Variants in STXBP3 observed in about 807,000 individuals in gnomAD.
STXBP3 encodes syntaxin binding protein 3, also known as syntaxin-binding protein 3.
In STXBP3, 41 loss-of-function variants were observed where a neutral mutation model predicts 85.7. The observed-to-expected ratio is 0.48, with a 90% CI of 0.37 to 0.62. The LOEUF is 0.62. Ranked by LOEUF, STXBP3 falls within the 20% of genes least tolerant of loss-of-function variation. The pLI, the probability that STXBP3 is intolerant of heterozygous loss-of-function variation, is 0.00. For synonymous variants in STXBP3, 229 were observed against 231.7 expected (o/e 0.99, Z 0.10); for missense variants, 563 against 703.1 (o/e 0.80, Z 2.25).
At chr1:108,801,130 ATTTT>A (rs1348227007) in intron 17 of STXBP3, among the ~76,000 whole-genome samples, 1 of 151,800 alleles carries the variant, frequency 6.6e-6, no homozygotes, top group Non-Finnish European at 1.5e-5. Context: ...TTTCCATTTG[ATTTT>A]TTTAAATTTC....
intron 1 of STXBP3, among the ~76,000 whole-genome samples, chr1:108,748,271 C>T (rs1004424): frequency 0.044 from 6,741 of 152,248 alleles, 211 homozygotes; most frequent in Admixed American, 0.07. Flanking sequence ...CAGTGGTTCA[C>T]GCCTGTAATC....
chr1:108,754,028 A>G (rs998927031), intron 3 of STXBP3, among the ~76,000 whole-genome samples: 3 of 140,162 alleles, frequency 2.1e-5, no homozygotes, highest in African/African-American at 8.1e-5. Flanking sequence ...TACACATAAA[A>G]TAATCTTTTT....
rs533077878 is a variant in STXBP3 at position 108,796,227 on chromosome 1, C to T, written c.1111-7C>T. On this transcript the variant is annotated splice_region_variant and splice_polypyrimidine_tract_variant and intron_variant, in intron 13 of 18. Transcript: ENST00000370008. ...TAGATCACTGACAATATTTTATTTT[C>T]ATTAAGGACCTGGCACTTGGAACTG... 1 of 1,596,774 alleles carries T rather than the reference C, an allele frequency of 6.3e-7. No individual in the cohort carries two copies. The highest frequency in any genetic ancestry group is 8.5e-7 in the Non-Finnish European group (1 of 1,175,422).
chr1:108,792,076 A>G (rs1362294126), intron 11 of STXBP3, among the ~76,000 whole-genome samples: 1 of 152,224 alleles, frequency 6.6e-6, no homozygotes, highest in Non-Finnish European at 1.5e-5. Flanking sequence ...GGCAATTATG[A>G]ATAAAGCTAC....
At chr1:108,755,147 T>TC (rs1553195022) in intron 3 of STXBP3, among the ~76,000 whole-genome samples, 1 of 151,732 alleles carries the variant, frequency 6.6e-6, no homozygotes, top group African/African-American at 2.4e-5. Flanking sequence ...TATAAAACCT[T>TC]AAAAAAAATA....
At chr1:108,784,348 C>T (rs1662782956) in intron 11 of STXBP3, among the ~76,000 whole-genome samples, 1 of 152,174 alleles carries the variant, frequency 6.6e-6, no homozygotes, top group Non-Finnish European at 1.5e-5. Context: ...CCTCAGGAAA[C>T]TTAACAATCA....
intron 9 of STXBP3, chr1:108,782,165 A>G (rs1280576463): frequency 8.6e-6 from 3 of 348,772 alleles, no homozygotes; most frequent in Non-Finnish European, 1.5e-5. Context: ...ATAAAGTACA[A>G]TTTTGCTGAA....
intron 6 of STXBP3, among the ~76,000 whole-genome samples, chr1:108,772,402 A>C (rs1284270058): frequency 4.2e-5 from 2 of 48,052 alleles, no homozygotes; most frequent in South Asian, 4.6e-4. Flanking sequence ...ATAAATACAT[A>C]TGATATCTAT....
At chr1:108,756,623 GTTTA>G in intron 3 of STXBP3, 63 bp from the exon 4 acceptor site, 1 of 900,034 alleles carries the variant, frequency 1.1e-6, no homozygotes, top group South Asian at 2.7e-5. Context: ...GTACAGTAAA[GTTTA>G]TTTAAAAATT....
intron 17 of STXBP3, among the ~76,000 whole-genome samples, chr1:108,804,142 G>A (rs1255065549): frequency 1.3e-5 from 2 of 151,214 alleles, no homozygotes; most frequent in East Asian, 2.0e-4. Context: ...TGCCACTTCT[G>A]TAGTCTTGGT....
At chr1:108,774,915 A>T (rs1662554092) in intron 7 of STXBP3, among the ~76,000 whole-genome samples, 1 of 151,974 alleles carries the variant, frequency 6.6e-6, no homozygotes, top group Non-Finnish European at 1.5e-5. Context: ...TTTATCACTC[A>T]CATAAGGGCT....
At position 108,774,017 on chromosome 1, in the gene STXBP3, C is replaced by G. The variant is rs182236247; in HGVS notation, c.593+1198C>G. Among the ~76,000 whole-genome samples, 159 of 152,236 alleles carry G rather than the reference C, an allele frequency of 1.0e-3. 1 individual carries two copies. The highest frequency in any genetic ancestry group is 1.9e-3 in the Non-Finnish European group (126 of 68,020). ...CTCTTGTGATCCCTCCCAGCTCTCC[C>G]GTCCCTTTTCTTCCCTAGAGATGAC... On this transcript the variant is annotated intron_variant, in intron 7 of 18. Transcript: ENST00000370008.
At chr1:108,775,484 C>T (rs1662567631) in intron 7 of STXBP3, among the ~76,000 whole-genome samples, 1 of 152,002 alleles carries the variant, frequency 6.6e-6, no homozygotes, top group South Asian at 2.1e-4. Context: ...CCCTGTTGTG[C>T]TATCAAATAC....
rs144451391 is a variant in STXBP3, at chr1:108,782,148, T to TG, written c.810-274_810-273insG. 1,178 of 312,778 alleles carry TG rather than the reference T, an allele frequency of 3.8e-3. 13 individuals carry two copies. The highest frequency in any genetic ancestry group is 0.024 in the African/African-American group (1,103 of 46,694). The allele number at this position is 312,778 out of a possible 1,614,324, so 19.4% of individuals were successfully genotyped here. ...TAAAGTTAACTGTAGGACGTTGAATTTTTTTTATAAAGTACAATTTTGCTG... is the reference window on the plus strand; with the variant it reads ...TAAAGTTAACTGTAGGACGTTGAATTGTTTTTTATAAAGTACAATTTTGCTG... On this transcript the variant is annotated intron_variant, in intron 9 of 18. Coordinates refer to ENST00000370008, the MANE Select transcript of STXBP3 (RefSeq NM_007269.4).
At chr1:108,795,334 A>G (rs1283643752) in intron 13 of STXBP3, among the ~76,000 whole-genome samples, 1 of 152,092 alleles carries the variant, frequency 6.6e-6, no homozygotes, top group Non-Finnish European at 1.5e-5. Flanking sequence ...TCTAATAGCC[A>G]TGTTAATGCA....
chr1:108,782,887 T>C (rs1662745533), intron 11 of STXBP3, among the ~76,000 whole-genome samples, 181 bp downstream of exon 11: 1 of 152,230 alleles, frequency 6.6e-6, no homozygotes, highest in African/African-American at 2.4e-5. Flanking sequence ...TCTGTCCTGC[T>C]TCATTAAAAT....
intron 13 of STXBP3, 97 bp from the exon 14 acceptor site, chr1:108,796,137 A>T: frequency 7.5e-7 from 1 of 1,328,052 alleles, no homozygotes; most frequent in Non-Finnish European, 1.0e-6. Context: ...TGCTGGGATT[A>T]CAGGCGTGAG....
intron 15 of STXBP3, 39 bp downstream of exon 15, chr1:108,796,765 G>A (rs914452786): frequency 1.3e-6 from 2 of 1,501,986 alleles, no homozygotes; most frequent in African/African-American, 2.8e-5. Flanking sequence ...TTATATGTAT[G>A]TGTATGTATG....
At chr1:108,805,365 G>C (rs1424072684) in intron 17 of STXBP3, among the ~76,000 whole-genome samples, 1 of 150,790 alleles carries the variant, frequency 6.6e-6, no homozygotes, top group Non-Finnish European at 1.5e-5. Context: ...GTTGTTCACT[G>C]CCTCATTCTT....
Sources: allele counts gnomAD v4.1 joint callset (sites outside exome capture counted in the v4.1 genomes callset), GRCh38; gene constraint gnomAD v4.1.1; transcripts MANE v1.5; gene names NCBI Gene and HGNC (gene_info 2026-07-23, HGNC 2026-07-21).